Variants in PRPF18 observed in about 807,000 individuals in gnomAD.
PRPF18 encodes the protein pre-mRNA-splicing factor 18.
A neutral mutation model predicts 46.5 loss-of-function variants in PRPF18; 38 were observed. That is an observed-to-expected ratio of 0.82 (90% CI 0.63 to 1.07). PRPF18 has a LOEUF of 1.07. Ranked by LOEUF, PRPF18 falls within the 50% of genes least tolerant of loss-of-function variation. PRPF18 has a pLI of 0.00. For synonymous variants in PRPF18, 152 were observed against 146.7 expected, an observed-to-expected ratio of 1.04 and a Z score of -0.26; for missense variants, 263 against 410.0, an observed-to-expected ratio of 0.64 and a Z score of 3.10.
chr10:13,620,157 TC>T (rs2080402119), intron 9 of PRPF18, among the ~76,000 whole-genome samples: 1 of 152,202 alleles, frequency 6.6e-6, no homozygotes. Context: ...GGCAAAATTT[TC>T]CTTAAAGGAT....
At chr10:13,627,198 C>T (rs1025173603) in intron 9 of PRPF18, among the ~76,000 whole-genome samples, 6 of 152,132 alleles carry the variant, frequency 3.9e-5, no homozygotes, top group African/African-American at 1.4e-4. Flanking sequence ...ACCCCACTTG[C>T]CTGCTTTATT....
At chr10:13,605,798 TAG>T (rs2080175449) in intron 4 of PRPF18, 54 bp downstream of exon 4, 1 of 1,523,926 alleles carries the variant, frequency 6.6e-7, no homozygotes, top group Non-Finnish European at 8.8e-7. Context: ...TTCACTAGAA[TAG>T]AGTTTGACTA....
the PRPF18 span, chr10:13,639,746 G>A: frequency 2.0e-5 from 3 of 152,182 alleles, no homozygotes; most frequent in African/African-American, 7.2e-5. Context: ...CTCAGCTCCA[G>A]ACACATCTTC....
intron 2 of PRPF18, among the ~76,000 whole-genome samples, chr10:13,598,787 A>T (rs1414877830): frequency 6.6e-6 from 1 of 152,204 alleles, no homozygotes; most frequent in African/African-American, 2.4e-5. Flanking sequence ...CTTGGTCTGG[A>T]ATAAGAATCA....
intron 9 of PRPF18, among the ~76,000 whole-genome samples, chr10:13,625,787 A>G (rs1291624211): frequency 6.6e-6 from 1 of 152,250 alleles, no homozygotes; most frequent in East Asian, 1.9e-4. Flanking sequence ...TGATAGCACT[A>G]GAAGGTAGAA....
At chr10:13,654,877 G>T in the PRPF18 span, 1 of 264,838 alleles carries the variant, frequency 3.8e-6, no homozygotes, top group Non-Finnish European at 7.1e-6. Context: ...AGTCCTTTGA[G>T]CGAGACCTGA....
intron 9 of PRPF18, among the ~76,000 whole-genome samples, chr10:13,619,637 C>G (rs923450829): frequency 6.6e-6 from 1 of 152,140 alleles, no homozygotes; most frequent in African/African-American, 2.4e-5. Flanking sequence ...CTTTCCTACT[C>G]CTTATGTAGG....
the PRPF18 span, chr10:13,642,781 G>A: frequency 6.6e-6 from 1 of 152,216 alleles, no homozygotes; most frequent in Middle Eastern, 3.2e-3. Flanking sequence ...TCCCCAAGGA[G>A]AGGAGGCTTC....
the PRPF18 span, chr10:13,651,937 C>G: frequency 1.9e-6 from 3 of 1,600,888 alleles, no homozygotes; most frequent in Admixed American, 5.0e-5. Context: ...GGTGGAGACT[C>G]AGACCCATCC....
the PRPF18 span, chr10:13,653,980 C>A: frequency 4.1e-6 from 1 of 244,160 alleles, no homozygotes; most frequent in East Asian, 8.1e-5. Flanking sequence ...CTTTTTCTTG[C>A]ACCCTGAGAC....
the PRPF18 span, chr10:13,644,546 T>C: frequency 6.6e-6 from 1 of 152,240 alleles, no homozygotes; most frequent in African/African-American, 2.4e-5. Context: ...GTTGAAAATA[T>C]AACCCAAATC....
At chr10:13,605,114 C>T (rs1340785658) in intron 3 of PRPF18, among the ~76,000 whole-genome samples, 1 of 152,038 alleles carries the variant, frequency 6.6e-6, no homozygotes, top group Non-Finnish European at 1.5e-5. Flanking sequence ...ACTTGATTTT[C>T]TCTTTGATTT....
downstream of PRPF18, among the ~76,000 whole-genome samples, chr10:13,634,706 A>G (rs2080620708): frequency 6.6e-6 from 1 of 152,196 alleles, no homozygotes; most frequent in Non-Finnish European, 1.5e-5. Context: ...TATTACATGT[A>G]CACAGGCACG....
At chr10:13,628,286 C>T (rs2080540034) in intron 9 of PRPF18, among the ~76,000 whole-genome samples, 1 of 152,148 alleles carries the variant, frequency 6.6e-6, no homozygotes, top group African/African-American at 2.4e-5. Flanking sequence ...AGTCTTGTTT[C>T]TCTGATGTGG....
the PRPF18 span, chr10:13,652,059 CTTA>C: frequency 3.8e-6 from 3 of 799,466 alleles, no homozygotes; most frequent in South Asian, 1.4e-5. Flanking sequence ...CGATTAGTAG[CTTA>C]TTAATATATC....
At chr10:13,622,643 G>A (rs1213467714) in intron 9 of PRPF18, among the ~76,000 whole-genome samples, 1 of 152,206 alleles carries the variant, frequency 6.6e-6, no homozygotes, top group Non-Finnish European at 1.5e-5. Flanking sequence ...AGTAAAAAGA[G>A]CAGCAGAGTC....
chr10:13,649,896 C>T, the PRPF18 span, among the ~76,000 whole-genome samples: 1 of 152,316 alleles, frequency 6.6e-6, no homozygotes, highest in East Asian at 1.9e-4. Flanking sequence ...GTCAGTCATT[C>T]ACTGGAACAT....
chr10:13,628,750 C>T (rs150541486), intron 9 of PRPF18, among the ~76,000 whole-genome samples: 3 of 151,974 alleles, frequency 2.0e-5, no homozygotes, highest in Non-Finnish European at 4.4e-5. Context: ...TGTTAAGTTA[C>T]GTAGATTTCA....
chr10:13,594,344 A>C (rs2080005558), intron 1 of PRPF18, among the ~76,000 whole-genome samples: 1 of 152,226 alleles, frequency 6.6e-6, no homozygotes, highest in Admixed American at 6.5e-5. Flanking sequence ...CACGAAGAAA[A>C]TTCATCCACA....
Sources: gnomAD v4.1 joint callset for allele counts (sites outside exome capture counted in the v4.1 genomes callset) on GRCh38, gnomAD v4.1.1 for gene constraint, MANE v1.5 for transcripts, NCBI Gene and HGNC (gene_info 2026-07-23, HGNC 2026-07-21) for gene names.